The following NRXN3 variants were observed in gnomAD, a reference collection of about 807,000 sequenced individuals.
NRXN3 encodes neurexin 3.
NRXN3 carries 32 observed loss-of-function variants against 137.6 expected under a neutral mutation model. The observed-to-expected ratio is 0.23, with a 90% CI of 0.18 to 0.31. The LOEUF (loss-of-function observed/expected upper bound fraction) is 0.31, where lower values mean the gene tolerates loss of function less well. Among genes scored for constraint, NRXN3 ranks in the 10% least tolerant of loss-of-function variants. The pLI, the probability that NRXN3 is intolerant of heterozygous loss-of-function variation, is 1.00. For synonymous variants in NRXN3, 798 were observed against 784.5 expected (o/e 1.02, Z -0.29); for missense variants, 1,574 against 2,062.5 (o/e 0.76, Z 4.59).
chr14:78,860,877 G>A (rs376298990), intron 10 of NRXN3, among the ~76,000 whole-genome samples: 3 of 151,916 alleles, frequency 2.0e-5, no homozygotes, highest in African/African-American at 7.3e-5. Flanking sequence ...AAGGAGAGGC[G>A]AAGGAGGCAG....
chr14:79,280,623 AGGG>A, intron 15 of NRXN3: 2 of 1,290,156 alleles, frequency 1.6e-6, no homozygotes, highest in Admixed American at 2.1e-5. Flanking sequence ...AAAGGTGGGA[AGGG>A]AATTTAAAAA....
intron 19 of NRXN3, among the ~76,000 whole-genome samples, chr14:79,746,752 G>C (rs1438910822): frequency 6.6e-6 from 1 of 152,018 alleles, no homozygotes; most frequent in Non-Finnish European, 1.5e-5. Context: ...ATCTTCTACT[G>C]CTCTCTTACT....
intron 4 of NRXN3, among the ~76,000 whole-genome samples, chr14:78,556,666 G>C (rs2152238326): frequency 6.6e-6 from 1 of 152,256 alleles, no homozygotes; most frequent in East Asian, 1.9e-4. Flanking sequence ...CTATGGGAGT[G>C]TGCCTTGTGT....
At chr14:78,397,294 A>G (rs1176245036) in intron 4 of NRXN3, among the ~76,000 whole-genome samples, 1 of 152,020 alleles carries the variant, frequency 6.6e-6, no homozygotes, top group Admixed American at 6.5e-5. Context: ...GGACTTCATT[A>G]CAGAAATGTT....
intron 19 of NRXN3, among the ~76,000 whole-genome samples, chr14:79,766,306 T>C (rs2099055797): frequency 1.3e-5 from 2 of 152,202 alleles, no homozygotes; most frequent in Non-Finnish European, 2.9e-5. Context: ...TGCCACTCTA[T>C]CTAGTGGCTG....
intron 15 of NRXN3, among the ~76,000 whole-genome samples, chr14:79,021,320 A>T (rs76657193): frequency 0.022 from 3,389 of 152,298 alleles, 117 homozygotes; most frequent in African/African-American, 0.077. Flanking sequence ...AGCAAGAGCC[A>T]GCAGAACAAT....
intron 10 of NRXN3, among the ~76,000 whole-genome samples, chr14:78,951,506 A>AC (rs2099387023): frequency 6.6e-6 from 1 of 152,190 alleles, no homozygotes; most frequent in African/African-American, 2.4e-5. Flanking sequence ...TCTACAAAGT[A>AC]GCCAGTCCTC....
intron 4 of NRXN3, among the ~76,000 whole-genome samples, chr14:78,517,481 G>T (rs2153797294): frequency 6.6e-6 from 1 of 152,210 alleles, no homozygotes; most frequent in Non-Finnish European, 1.5e-5. Context: ...TGTTTTCCCT[G>T]TCATTTGTCA....
intron 15 of NRXN3, among the ~76,000 whole-genome samples, chr14:79,205,291 G>T (rs577381900): frequency 6.6e-6 from 1 of 152,098 alleles, no homozygotes; most frequent in Non-Finnish European, 1.5e-5. Context: ...ACAGTTAGTT[G>T]TATTTTTCAA....
intron 15 of NRXN3, among the ~76,000 whole-genome samples, chr14:79,342,073 C>G (rs1349478053): frequency 1.3e-5 from 2 of 152,206 alleles, no homozygotes; most frequent in African/African-American, 4.8e-5. Context: ...ATCTTTGCCT[C>G]TGTTCCAGTA....
intron 1 of NRXN3, among the ~76,000 whole-genome samples, chr14:78,208,716 A>G (rs2062447539): frequency 6.6e-6 from 1 of 152,142 alleles, no homozygotes; most frequent in African/African-American, 2.4e-5. Context: ...CCTCATCTGT[A>G]AGATAGGAGT....
rs1040452976 is a variant in NRXN3 at position 79,049,175 on chromosome 14, G to A, written c.3262+61034G>A. The stretch of plus-strand genomic sequence containing the variant: ...CTGTACTATGTGATGCTGTTTGATA[G>A]CATTTTACCCAAAGCAAAATTTTCA... On this transcript the variant is annotated intron_variant, in intron 15 of 20. Coordinates refer to ENST00000335750, the MANE Select transcript of NRXN3 (RefSeq NM_001330195.2). Among the ~76,000 whole-genome samples the A allele has an allele frequency of 2.7e-5, 4 of 147,930 alleles. No individual in the cohort carries two copies. The East Asian group carries it at 8.1e-4, about 30-fold the overall frequency.
chr14:79,630,164 G>C (rs1037122470), intron 16 of NRXN3, among the ~76,000 whole-genome samples: 2 of 152,118 alleles, frequency 1.3e-5, no homozygotes, highest in Admixed American at 6.6e-5. Flanking sequence ...TAGCTCACTG[G>C]AATAGCAATT....
chr14:78,344,967 C>T (rs2082548039), intron 4 of NRXN3, among the ~76,000 whole-genome samples: 1 of 152,184 alleles, frequency 6.6e-6, no homozygotes, highest in African/African-American at 2.4e-5. Context: ...CCTGGTTCCA[C>T]CAGTTCTTAG....
At chr14:78,545,411 T>C (rs1163785464) in intron 4 of NRXN3, among the ~76,000 whole-genome samples, 3 of 152,170 alleles carry the variant, frequency 2.0e-5, no homozygotes, top group Non-Finnish European at 4.4e-5. Flanking sequence ...TTGTTTGATG[T>C]CTCCCCTCTT....
At chr14:78,238,213 C>T (rs932220041) in intron 1 of NRXN3, among the ~76,000 whole-genome samples, 2 of 150,202 alleles carry the variant, frequency 1.3e-5, no homozygotes, top group African/African-American at 4.9e-5. Context: ...GTTAACCCCA[C>T]ATAAAAAGTG....
chr14:79,125,423 AGATAGTT>A (rs747392936), intron 15 of NRXN3, among the ~76,000 whole-genome samples: 8 of 152,254 alleles, frequency 5.3e-5, no homozygotes, highest in Non-Finnish European at 7.3e-5. Flanking sequence ...GGTACTCAAC[AGATAGTT>A]GTTCATTGGA....
chr14:78,319,476 C>G (rs996564644), intron 4 of NRXN3, among the ~76,000 whole-genome samples: 8 of 152,188 alleles, frequency 5.3e-5, no homozygotes, highest in African/African-American at 1.9e-4. Context: ...CATGAGGACA[C>G]ATTTCTGGGG....
At chr14:79,420,730 A>C (rs1405018235) in intron 15 of NRXN3, among the ~76,000 whole-genome samples, 1 of 152,220 alleles carries the variant, frequency 6.6e-6, no homozygotes, top group Non-Finnish European at 1.5e-5. Context: ...AATGCAAAAG[A>C]AGCCTAAAAT....
Sources: gnomAD v4.1 joint callset for allele counts (sites outside exome capture counted in the v4.1 genomes callset) on GRCh38, gnomAD v4.1.1 for gene constraint, MANE v1.5 for transcripts, NCBI Gene and HGNC (gene_info 2026-07-23, HGNC 2026-07-21) for gene names.